Variants in GRB10 observed in about 807,000 individuals in gnomAD.
GRB10 encodes the protein growth factor receptor bound protein 10, also known as growth factor receptor-bound protein 10.
Under a neutral mutation model 80.9 loss-of-function variants are expected in GRB10, and 20 were observed. The observed-to-expected ratio is 0.25, with a 90% CI of 0.17 to 0.36. GRB10 has a LOEUF of 0.36. Ranked by LOEUF, GRB10 falls within the 10% of genes least tolerant of loss-of-function variation. GRB10 has a pLI of 1.00. For missense variants in GRB10, 548 were observed against 747.7 expected (o/e 0.73, Z 3.12); for synonymous variants, 291 against 291.5 (o/e 1.00, Z 0.02).
At chr7:50,732,505 C>T (rs1435448782) in intron 3 of GRB10, 137 bp from the exon 4 acceptor site, 6 of 645,686 alleles carry the variant, frequency 9.3e-6, no homozygotes, top group African/African-American at 3.7e-5. Flanking sequence ...GACACTTGCT[C>T]GGGGCACCAG....
At chr7:50,715,511 G>A (rs917586275) in intron 4 of GRB10, among the ~76,000 whole-genome samples, 6 of 152,136 alleles carry the variant, frequency 3.9e-5, no homozygotes, top group Admixed American at 2.6e-4. Context: ...AGTTCACCTC[G>A]CCCTTCAGGT....
At chr7:50,611,828 G>A (rs1357135996) in intron 13 of GRB10, among the ~76,000 whole-genome samples, 2 of 152,184 alleles carry the variant, frequency 1.3e-5, no homozygotes, top group Non-Finnish European at 2.9e-5. Flanking sequence ...TTTTTGTAAA[G>A]AAATCCCTAG....
In GRB10 at chr7:50,782,389, CCGCCCAG is replaced by C. The variant is rs1248894508; in HGVS notation, c.-327+28_-327+34del. 2 of 148,142 alleles carry C rather than the reference CCGCCCAG, an allele frequency of 1.4e-5. No individual in the cohort carries two copies. Among genetic ancestry groups the C allele is most frequent in the Non-Finnish European group, 3.0e-5 (2 of 66,426 alleles). The allele number at this position is 148,142 out of a possible 1,614,324, so 9.2% of individuals were successfully genotyped here. ...GCTCGCGCCCACCGCCCACCGCCCACCGCCCAGCGCCCGCGGCGGAGCCCACCTGAGT... is the reference window on the plus strand; with the variant it reads ...GCTCGCGCCCACCGCCCACCGCCCACCGCCCGCGGCGGAGCCCACCTGAGT... On this transcript the variant is annotated intron_variant, in intron 1 of 18. Coordinates refer to ENST00000401949, the MANE Select transcript of GRB10 (RefSeq NM_001350814.2). The surrounding 1 kb of genome is among the most constrained non-coding windows in gnomAD (Gnocchi z 6.6).
chr7:50,611,246 T>C (rs1251328784), intron 13 of GRB10, among the ~76,000 whole-genome samples: 2 of 152,232 alleles, frequency 1.3e-5, no homozygotes, highest in Admixed American at 6.5e-5. Context: ...CTCTATATAC[T>C]GTTCTGTACT....
intron 4 of GRB10, chr7:50,711,050 C>T (rs559886472): frequency 2.7e-6 from 2 of 728,206 alleles, no homozygotes; most frequent in Admixed American, 1.9e-5. Context: ...AAGACCAATG[C>T]CACAGAGAGC....
chr7:50,662,562 G>A (rs567910719), intron 7 of GRB10, among the ~76,000 whole-genome samples: 31 of 152,290 alleles, frequency 2.0e-4, no homozygotes, highest in African/African-American at 7.0e-4. Flanking sequence ...GGAGGGGCAG[G>A]AAGAAGACTA....
chr7:50,684,864 CA>C (rs1328226429), intron 5 of GRB10, among the ~76,000 whole-genome samples: 1 of 152,162 alleles, frequency 6.6e-6, no homozygotes, highest in Non-Finnish European at 1.5e-5. Context: ...TATTACATCA[CA>C]AGTCACGGAG....
intron 4 of GRB10, among the ~76,000 whole-genome samples, chr7:50,723,335 A>G (rs1034613968): frequency 2.0e-5 from 3 of 152,242 alleles, no homozygotes; most frequent in African/African-American, 7.2e-5. Flanking sequence ...ACATCCTTTA[A>G]GCCCCGGCTA....
At chr7:50,668,028 AC>A (rs1370043105) in intron 7 of GRB10, among the ~76,000 whole-genome samples, 5 of 152,216 alleles carry the variant, frequency 3.3e-5, no homozygotes, top group Non-Finnish European at 5.9e-5. Context: ...GCAGAAGGTC[AC>A]CAGCGAGGTA....
intron 11 of GRB10, 52 bp from the exon 12 acceptor site, chr7:50,614,932 T>C: frequency 8.7e-7 from 1 of 1,145,998 alleles, no homozygotes; most frequent in African/African-American, 1.5e-5. Flanking sequence ...AGAGCAAATG[T>C]GTTCACCTCT....
chr7:50,599,448 C>A (rs897004909), intron 17 of GRB10, among the ~76,000 whole-genome samples: 4 of 152,146 alleles, frequency 2.6e-5, no homozygotes, highest in African/African-American at 9.7e-5. Context: ...CCTTGTTATA[C>A]AAATACACCT....
intron 2 of GRB10, among the ~76,000 whole-genome samples, chr7:50,777,516 A>T (rs2077805470): frequency 6.6e-6 from 1 of 152,042 alleles, no homozygotes; most frequent in Non-Finnish European, 1.5e-5. Flanking sequence ...TTCAAATTTA[A>T]ATGAGTAAAT....
intron 5 of GRB10, among the ~76,000 whole-genome samples, chr7:50,677,187 G>A (rs2061047882): frequency 6.6e-6 from 1 of 152,208 alleles, no homozygotes; most frequent in Non-Finnish European, 1.5e-5. Context: ...TTCAGGTTGT[G>A]AGTGGTCAAA....
chr7:50,778,946 A>G (rs1316524398), intron 2 of GRB10, among the ~76,000 whole-genome samples: 7 of 152,208 alleles, frequency 4.6e-5, no homozygotes, highest in Admixed American at 4.6e-4. Context: ...CAAAAGAGAA[A>G]CCACTAAATA....
At chr7:50,680,083 G>A (rs1378002254) in intron 5 of GRB10, among the ~76,000 whole-genome samples, 2 of 152,098 alleles carry the variant, frequency 1.3e-5, no homozygotes, top group African/African-American at 2.4e-5. Context: ...TCATATTTAT[G>A]GTATTTAAAG....
intron 7 of GRB10, among the ~76,000 whole-genome samples, chr7:50,662,559 C>T (rs2059387803): frequency 6.6e-6 from 1 of 152,154 alleles, no homozygotes. Flanking sequence ...CTGGGAGGGG[C>T]AGGAAGAAGA....
chr7:50,711,807 TCTA>T (rs2065938355), intron 4 of GRB10, among the ~76,000 whole-genome samples: 1 of 152,216 alleles, frequency 6.6e-6, no homozygotes, highest in South Asian at 2.1e-4. Context: ...TGGCAGGGTT[TCTA>T]CTAATATTAT....
At chr7:50,669,359 A>T (rs2060125995) in intron 7 of GRB10, among the ~76,000 whole-genome samples, 2 of 152,334 alleles carry the variant, frequency 1.3e-5, no homozygotes, top group South Asian at 4.1e-4. Flanking sequence ...CGTCTCGCAC[A>T]GCAGGAGTGG....
rs184133940 is a variant in GRB10, at chr7:50,677,657, T to A, written c.140-2999A>T. Among the ~76,000 whole-genome samples the A allele has an allele frequency of 6.6e-4, 100 of 152,352 alleles. 1 individual carries two copies. The highest frequency in any genetic ancestry group is 1.2e-3 in the Non-Finnish European group (84 of 68,026). On this transcript the variant is annotated intron_variant, in intron 5 of 18. Coordinates refer to ENST00000401949, the MANE Select transcript of GRB10 (RefSeq NM_001350814.2). ...TCCTATTTAGCTGACAGGGAATAGC[T>A]GCTTAATTGAAGCTCTGCAAAACAA...
Sources: allele counts gnomAD v4.1 joint callset (sites outside exome capture counted in the v4.1 genomes callset), GRCh38; gene constraint gnomAD v4.1.1; non-coding constraint Gnocchi (gnomAD v3.1); transcripts MANE v1.5; gene names NCBI Gene and HGNC (gene_info 2026-07-23, HGNC 2026-07-21).